Variants in COX7A2L observed in about 807,000 individuals in gnomAD.
COX7A2L encodes cytochrome c oxidase subunit 7A2 like, also known as cytochrome c oxidase subunit 7A2-like, mitochondrial.
In COX7A2L, 18 loss-of-function variants were observed where a neutral mutation model predicts 14.2. The ratio of observed to expected loss-of-function variants is 1.27; its 90% confidence interval spans 0.88 to 1.88. The LOEUF is 1.88. Among genes scored for constraint, COX7A2L ranks in the 40% most tolerant of loss-of-function variants. The pLI, the probability that COX7A2L is intolerant of heterozygous loss-of-function variation, is 0.00. For missense variants in COX7A2L, 179 were observed against 138.8 expected (o/e 1.29, Z -1.46); for synonymous variants, 65 against 57.4 (o/e 1.13, Z -0.60).
chr2:42,337,385 C>A (rs916069694), intron 2 of COX7A2L, among the ~76,000 whole-genome samples: 5 of 152,160 alleles, frequency 3.3e-5, no homozygotes, highest in African/African-American at 1.2e-4. Flanking sequence ...AACTGCATCC[C>A]ATTGATACAC....
rs1016329795 is a variant in COX7A2L at position 42,350,102 on chromosome 2, G to A, written c.*1117C>T. ...GAGATATCACTGCAAGGCTACTATT[G>A]AGTATTTTCAAATCACCACATCTTA... is the stretch of plus-strand genomic sequence containing the variant. On this transcript the variant is annotated 3_prime_UTR_variant, in exon 3 of 3. Coordinates refer to ENST00000234301, the MANE Select transcript of COX7A2L (RefSeq NM_004718.4). The A allele has an allele frequency of 6.6e-6, 1 of 152,068 alleles. No individual in the cohort carries two copies. The highest frequency in any genetic ancestry group is 1.5e-5 in the Non-Finnish European group (1 of 68,016). The allele number at this position is 152,068 out of a possible 1,614,324, so 9.4% of individuals were successfully genotyped here.
downstream of COX7A2L, among the ~76,000 whole-genome samples, chr2:42,344,609 T>G (rs555160804): frequency 5.3e-5 from 8 of 152,160 alleles, no homozygotes; most frequent in African/African-American, 1.9e-4. Context: ...TCCCAGCAGT[T>G]TGGGAGGCTG....
chr2:42,344,896 G>A (rs760425379), downstream of COX7A2L, among the ~76,000 whole-genome samples: 30 of 151,348 alleles, frequency 2.0e-4, no homozygotes, highest in Admixed American at 3.9e-4. Flanking sequence ...AGCTGGTTCC[G>A]GTTTCCATGG....
intron 1 of COX7A2L, among the ~76,000 whole-genome samples, chr2:42,358,665 A>C (rs1352296682): frequency 6.6e-6 from 1 of 152,242 alleles, no homozygotes; most frequent in Non-Finnish European, 1.5e-5. Context: ...TTCTCAAGAG[A>C]AACACGATTC....
intron 2 of COX7A2L, among the ~76,000 whole-genome samples, chr2:42,340,864 G>A (rs139330884): frequency 1.1e-4 from 16 of 152,294 alleles, no homozygotes; most frequent in African/African-American, 3.6e-4. Context: ...CCACTGCGCA[G>A]CACACTGCAG....
chr2:42,355,144 T>G (rs1670776495), intron 1 of COX7A2L, among the ~76,000 whole-genome samples: 1 of 152,178 alleles, frequency 6.6e-6, no homozygotes, highest in African/African-American at 2.4e-5. Flanking sequence ...AAGAGAAAGT[T>G]TGGTCAGTAA....
At chr2:42,356,339 A>T (rs894500235) in intron 1 of COX7A2L, among the ~76,000 whole-genome samples, 19 of 152,232 alleles carry the variant, frequency 1.2e-4, no homozygotes, top group Middle Eastern at 3.4e-3. Flanking sequence ...ACCACCTAAC[A>T]TACTATGTTT....
At chr2:42,365,335 A>G (rs558250197), upstream of COX7A2L, among the ~76,000 whole-genome samples, 2 of 152,340 alleles carry the variant, frequency 1.3e-5, no homozygotes, top group South Asian at 4.1e-4. Context: ...ACACACAGAA[A>G]TACAAAGTCG....
chr2:42,343,081 G>C (rs961511666), intron 2 of COX7A2L, among the ~76,000 whole-genome samples: 19 of 152,156 alleles, frequency 1.2e-4, no homozygotes, highest in Admixed American at 3.3e-4. Flanking sequence ...ATGAGAGCAA[G>C]AGTCAGCTGC....
rs2103873204 is a variant in COX7A2L, at chr2:42,339,573, C to A, written c.193-5704G>T. Among the ~76,000 whole-genome samples the A allele has an allele frequency of 6.6e-6, 1 of 152,270 alleles. No homozygotes were observed. The highest frequency in any genetic ancestry group is 2.4e-5 in the African/African-American group (1 of 41,562). ...CCTGGTTTCTTTCTTCCCTTCTGCC[C>A]TTCCTCCCTCCCTTTATCCCTCCCT... On this transcript the variant is annotated intron_variant, in intron 2 of 2. Transcript: ENST00000468711. The surrounding 1 kb of genome is among the most constrained non-coding windows in gnomAD (Gnocchi z 5.4).
Position 42,338,119 on chromosome 2 carries a change from CGGTT to C in COX7A2L, c.193-4254_193-4251del, listed in dbSNP as rs1670322080. ...ATCTTCTGGTCCGCCCCTCCGATGA[CGGTT>C]GGTTGGTCCATAACCCTACTCCCCA... On this transcript the variant is annotated intron_variant, in intron 2 of 2. Coordinates refer to the COX7A2L transcript ENST00000468711. This position sits in a 1 kb window ranked among gnomAD's most constrained non-coding sequence, Gnocchi z 4.4. Among the ~76,000 whole-genome samples the C allele has an allele frequency of 6.6e-6, 1 of 152,176 alleles. No homozygotes were observed. The highest frequency in any genetic ancestry group is 2.4e-5 in the African/African-American group (1 of 41,454).
In COX7A2L at chr2:42,349,747, A is replaced by G. The variant is rs186545111; in HGVS notation, c.*1472T>C. ...AATGTTAACTTTATTGAGTCTGACA[A>G]CTGCATTATGGTTATAAAGGAACAC... On this transcript the variant is annotated 3_prime_UTR_variant, in exon 3 of 3. Transcript: ENST00000234301. The G allele has an allele frequency of 6.6e-6, 1 of 152,340 alleles. No individual in the cohort carries two copies. The highest frequency in any genetic ancestry group is 1.5e-5 in the Non-Finnish European group (1 of 68,036). 9.4% of individuals were successfully genotyped at this position (152,340 alleles called of 1,614,324 possible).
chr2:42,340,881 T>C (rs1040072646), intron 2 of COX7A2L, among the ~76,000 whole-genome samples: 1 of 152,138 alleles, frequency 6.6e-6, no homozygotes, highest in Non-Finnish European at 1.5e-5. Flanking sequence ...GCAGAAGGAA[T>C]GATTTGTGCT....
intron 2 of COX7A2L, 74 bp from the exon 3 acceptor site, chr2:42,351,433 A>T (rs992113063): frequency 1.3e-6 from 2 of 1,552,058 alleles, no homozygotes; most frequent in African/African-American, 2.7e-5. Context: ...AAAAATAACA[A>T]ATTTGTCTAC....
At chr2:42,348,721 A>T (rs537086347), downstream of COX7A2L, among the ~76,000 whole-genome samples, 1 of 152,298 alleles carries the variant, frequency 6.6e-6, no homozygotes, top group South Asian at 2.1e-4. Context: ...AATCGAGACC[A>T]TCTTGGCCTA....
chr2:42,367,999 G>A (rs79646025), intron 1 of COX7A2L, among the ~76,000 whole-genome samples: 9 of 152,164 alleles, frequency 5.9e-5, no homozygotes, highest in Non-Finnish European at 7.3e-5. Context: ...TCAAATCAAG[G>A]TGTTTGTGTT....
chr2:42,346,308 T>C (rs1248886548), downstream of COX7A2L, among the ~76,000 whole-genome samples: 4 of 152,194 alleles, frequency 2.6e-5, no homozygotes, highest in Non-Finnish European at 5.9e-5. Flanking sequence ...TACCTTGGAC[T>C]CGAAGGCAGT....
chr2:42,344,538 A>C (rs1338167139), downstream of COX7A2L, among the ~76,000 whole-genome samples: 5 of 152,230 alleles, frequency 3.3e-5, no homozygotes, highest in African/African-American at 4.8e-5. Flanking sequence ...ACCAAAACAA[A>C]GTATGAGAAA....
rs901940968 is a variant in COX7A2L at position 42,336,907 on chromosome 2, C to T, written c.193-3038G>A. 5.0e-4 allele frequency among the ~76,000 whole-genome samples: 76 copies of T among 152,148 alleles called. 1 individual carries two copies. The highest frequency in any genetic ancestry group is 1.3e-4 in the Non-Finnish European group (9 of 68,028). Reference sequence around the variant, plus strand: ...TTAAGAACCTGCCTAGTGCAAGGAACTGTGTGGGGCTCAGCAAGGAATCCC... The same window carrying T: ...TTAAGAACCTGCCTAGTGCAAGGAATTGTGTGGGGCTCAGCAAGGAATCCC... On this transcript the variant is annotated intron_variant, in intron 2 of 2. Coordinates refer to the COX7A2L transcript ENST00000468711.
Sources: gnomAD v4.1 joint callset for allele counts (sites outside exome capture counted in the v4.1 genomes callset) on GRCh38, gnomAD v4.1.1 for gene constraint, Gnocchi (gnomAD v3.1) non-coding constraint, MANE v1.5 for transcripts, NCBI Gene and HGNC (gene_info 2026-07-23, HGNC 2026-07-21) for gene names.